The following LMCD1 variants were observed in gnomAD, a reference collection of about 807,000 sequenced individuals.
The protein encoded by LMCD1 is LIM and cysteine rich domains 1.
LMCD1 carries 32 observed loss-of-function variants against 42.7 expected under a neutral mutation model. That is an observed-to-expected ratio of 0.75 (90% CI 0.57 to 1.01). The LOEUF (loss-of-function observed/expected upper bound fraction) is 1.01. LMCD1 is among the 50% of genes least tolerant of loss of function. The pLI is 0.00. For missense variants in LMCD1, 458 were observed against 483.1 expected (o/e 0.95, Z 0.49); for synonymous variants, 178 against 184.9 (o/e 0.96, Z 0.30).
intron 1 of LMCD1, among the ~76,000 whole-genome samples, chr3:8,525,173 C>T (rs547997113): frequency 5.3e-5 from 8 of 152,188 alleles, no homozygotes; most frequent in African/African-American, 1.9e-4. Context: ...AACTTTGTAC[C>T]CTTTGACCAA....
At chr3:8,544,441 G>A (rs868591428) in intron 3 of LMCD1, among the ~76,000 whole-genome samples, 1 of 152,164 alleles carries the variant, frequency 6.6e-6, no homozygotes, top group Non-Finnish European at 1.5e-5. Context: ...AGTGCCAGAA[G>A]GTGTCTCAGA....
intron 3 of LMCD1, chr3:8,537,656 G>T (rs78091835): frequency 0.1 from 49,910 of 485,126 alleles, 3,012 homozygotes; most frequent in East Asian, 0.23. Context: ...ATGGGTAGAG[G>T]TGTTCATATG....
intron 1 of LMCD1, among the ~76,000 whole-genome samples, chr3:8,516,685 G>C (rs753132179): frequency 5.0e-4 from 76 of 152,200 alleles, no homozygotes; most frequent in Non-Finnish European, 8.1e-4. Context: ...TTGAAGGAGT[G>C]GATAGGTCTA....
chr3:8,561,723 G>A (rs1368954775), intron 4 of LMCD1, among the ~76,000 whole-genome samples: 2 of 152,168 alleles, frequency 1.3e-5, no homozygotes, highest in Non-Finnish European at 2.9e-5. Flanking sequence ...AGAAGATAAT[G>A]ATTTTCCGAA....
At chr3:8,549,000 C>A in intron 4 of LMCD1, 97 bp downstream of exon 4, 12 of 861,396 alleles carry the variant, frequency 1.4e-5, no homozygotes, top group Non-Finnish European at 1.9e-5. Context: ...CTCATTCATG[C>A]ATTTATTCAT....
chr3:8,542,535 G>T (rs1336542466), intron 3 of LMCD1, among the ~76,000 whole-genome samples: 4 of 152,198 alleles, frequency 2.6e-5, no homozygotes, highest in African/African-American at 9.6e-5. Flanking sequence ...AGAAAAGGGT[G>T]CAGGCCCTGG....
chr3:8,541,686 G>A (rs1232556689), intron 3 of LMCD1, among the ~76,000 whole-genome samples: 1 of 152,242 alleles, frequency 6.6e-6, no homozygotes. Flanking sequence ...TCAGGTATGA[G>A]ACGTAGATAA....
intron 2 of LMCD1, among the ~76,000 whole-genome samples, chr3:8,534,939 C>CT (rs1452574322): frequency 2.0e-5 from 3 of 152,074 alleles, no homozygotes; most frequent in African/African-American, 7.2e-5. Context: ...GATCTGTTAA[C>CT]TTTTTTTTGT....
intron 4 of LMCD1, among the ~76,000 whole-genome samples, 187 bp from the exon 5 acceptor site, chr3:8,565,245 G>C (rs141684425): frequency 6.6e-6 from 1 of 152,116 alleles, no homozygotes; most frequent in Non-Finnish European, 1.5e-5. Context: ...TTTAGTCCTC[G>C]TGAATAGCCT....
At chr3:8,519,681 A>G (rs1183535568) in intron 1 of LMCD1, among the ~76,000 whole-genome samples, 1 of 152,110 alleles carries the variant, frequency 6.6e-6, no homozygotes, top group Non-Finnish European at 1.5e-5. Context: ...AAATCAAGGA[A>G]AGGATAAAAC....
intron 4 of LMCD1, chr3:8,549,829 A>C: frequency 1.4e-6 from 1 of 705,184 alleles, no homozygotes; most frequent in Non-Finnish European, 2.6e-6. Flanking sequence ...ATCATGTGGC[A>C]AGGGGGCTGG....
At chr3:8,530,217 A>G (rs1694386188) in intron 1 of LMCD1, among the ~76,000 whole-genome samples, 4 of 152,192 alleles carry the variant, frequency 2.6e-5, no homozygotes, top group Admixed American at 1.3e-4. Context: ...ACTTCGTAAC[A>G]TCTCACCAAG....
chr3:8,551,982 C>G (rs1694850118), intron 4 of LMCD1, among the ~76,000 whole-genome samples: 1 of 152,198 alleles, frequency 6.6e-6, no homozygotes, highest in Non-Finnish European at 1.5e-5. Context: ...AATTGTAGGA[C>G]TCAGCCTGAC....
chr3:8,528,769 T>TC (rs779700974), intron 1 of LMCD1, among the ~76,000 whole-genome samples: 21 of 152,252 alleles, frequency 1.4e-4, no homozygotes, highest in East Asian at 1.2e-3. Flanking sequence ...ACATTTTTTT[T>TC]CCCTCTAAGA....
intron 5 of LMCD1, 128 bp from the exon 6 acceptor site, chr3:8,567,312 C>T: frequency 2.1e-6 from 2 of 938,792 alleles, no homozygotes; most frequent in Non-Finnish European, 3.1e-6. Context: ...GATTTTTCCA[C>T]TAAGGCTTTA....
chr3:8,502,287 TAATATATATTATATATAATATATAA>T, intron 1 of LMCD1, among the ~76,000 whole-genome samples: 1 of 42,252 alleles, frequency 2.4e-5, no homozygotes, highest in African/African-American at 9.6e-5. Context: ...AAAATATATA[TAATATATATTATATATAATATATAA>T]AATATATATT....
rs370475298 is a variant in LMCD1, at chr3:8,501,902, T to C, written c.-37T>C. On this transcript the variant is annotated 5_prime_UTR_variant, in exon 1 of 6. Transcript: ENST00000157600. ...CGCTGCGCGCCCTCGCGCCTCTGCCTGAGAAGCCAGGCGCTGTTCCCCCAC... is the reference window on the plus strand; with the variant it reads ...CGCTGCGCGCCCTCGCGCCTCTGCCCGAGAAGCCAGGCGCTGTTCCCCCAC... 1.3e-6 allele frequency: 2 copies of C among 1,577,742 alleles called. No homozygotes were observed. The highest frequency in any genetic ancestry group is 8.6e-7 in the Non-Finnish European group (1 of 1,163,176).
chr3:8,504,354 T>C (rs1166200768), intron 1 of LMCD1, among the ~76,000 whole-genome samples: 1 of 152,250 alleles, frequency 6.6e-6, no homozygotes, highest in East Asian at 1.9e-4. Context: ...AACATTTGGC[T>C]TCAGGATGCA....
At chr3:8,547,510 C>G (rs569073619) in intron 3 of LMCD1, among the ~76,000 whole-genome samples, 1 of 152,258 alleles carries the variant, frequency 6.6e-6, no homozygotes, top group African/African-American at 2.4e-5. Flanking sequence ...CTTTTTAAAA[C>G]AAAGGACAGT....
Sources: allele counts gnomAD v4.1 joint callset (sites outside exome capture counted in the v4.1 genomes callset), GRCh38; gene constraint gnomAD v4.1.1; transcripts MANE v1.5; gene names NCBI Gene and HGNC (gene_info 2026-07-23, HGNC 2026-07-21).